The following SHANK2 variants were observed in gnomAD, a reference collection of about 807,000 sequenced individuals.
The protein encoded by SHANK2 is SH3 and multiple ankyrin repeat domains 2, also known as SH3 and multiple ankyrin repeat domains protein 2.
In SHANK2, 43 loss-of-function variants were observed where a neutral mutation model predicts 133.7. The ratio of observed to expected loss-of-function variants is 0.32; its 90% CI spans 0.25 to 0.41. SHANK2 has a LOEUF of 0.41. Among genes scored for constraint, SHANK2 ranks in the 10% least tolerant of loss-of-function variants. The pLI, the probability that SHANK2 is intolerant of heterozygous loss-of-function variation, is 1.00. For synonymous variants in SHANK2, 1,017 were observed against 952.8 expected (o/e 1.07, Z -1.24); for missense variants, 1,994 against 2,235.8 (o/e 0.89, Z 2.18).
Position 71,166,750 on chromosome 11 carries a change from T to C in SHANK2, c.-12-19412A>G, listed in dbSNP as rs1193286783. On this transcript the variant is annotated intron_variant, in intron 2 of 25. Transcript: ENST00000601538. Reference sequence around the variant, plus strand: ...TGCCCTCCTCAGCCTCCCAAAGTGCTGGGATTACAGGCGTGAGCCACCACA... The same window carrying C: ...TGCCCTCCTCAGCCTCCCAAAGTGCCGGGATTACAGGCGTGAGCCACCACA... Among the ~76,000 whole-genome samples the C allele has an allele frequency of 2.0e-5, 3 of 152,034 alleles. No homozygotes were observed. In the South Asian group the frequency reaches 6.2e-4, roughly 32 times the overall value.
At chr11:71,066,381 T>C (rs1488358329) in intron 9 of SHANK2, among the ~76,000 whole-genome samples, 3 of 151,038 alleles carry the variant, frequency 2.0e-5, no homozygotes, top group Non-Finnish European at 3.0e-5. Context: ...CCCAGGGAGA[T>C]GAGCAGTGAG....
At chr11:70,599,905 G>GAAAGAAAGAAAAAGAAAGAAAGAGAA (rs1466206835) in intron 17 of SHANK2, among the ~76,000 whole-genome samples, 12 of 73,770 alleles carry the variant, frequency 1.6e-4, no homozygotes, top group South Asian at 1.0e-3. Context: ...AAGAAAGAAA[G>GAAAGAAAGAAAAAGAAAGAAAGAGAA]AGAAAGAAAG....
intron 17 of SHANK2, among the ~76,000 whole-genome samples, chr11:70,654,742 T>C (rs948010896): frequency 6.6e-6 from 1 of 151,200 alleles, no homozygotes; most frequent in Non-Finnish European, 1.5e-5. Context: ...CACACTGTAA[T>C]TGCTACCTGG....
rs188131268 is a variant in SHANK2 at position 70,910,879 on chromosome 11, T to C, written c.1108-14312A>G. Reference sequence around the variant, plus strand: ...CTGCCAAACTGGATAACACAATTGTTTACATGTTGCTTGGTGGTGCGTGTG... The same window carrying C: ...CTGCCAAACTGGATAACACAATTGTCTACATGTTGCTTGGTGGTGCGTGTG... On this transcript the variant is annotated intron_variant, in intron 10 of 25. Transcript: ENST00000601538. 743 of 430,630 alleles carry C rather than the reference T, an allele frequency of 1.7e-3. 2 individuals carry two copies. The highest frequency in any genetic ancestry group is 0.014 in the African/African-American group (689 of 49,542). 26.7% of individuals were successfully genotyped at this position (430,630 alleles called of 1,614,324 possible). A position where few individuals can be genotyped will look rare whatever the true frequency, so the allele number is the denominator to read the frequency against.
chr11:70,597,628 T>A (rs1554989866), intron 17 of SHANK2, among the ~76,000 whole-genome samples: 1 of 152,078 alleles, frequency 6.6e-6, no homozygotes, highest in Non-Finnish European at 1.5e-5. Context: ...ATCCCAGCAC[T>A]TTGGGAGGCC....
At chr11:70,769,614 T>C (rs1348921092) in intron 14 of SHANK2, among the ~76,000 whole-genome samples, 2 of 152,196 alleles carry the variant, frequency 1.3e-5, no homozygotes, top group East Asian at 3.9e-4. Flanking sequence ...GGCATGTGCG[T>C]GCATGCACAT....
intron 17 of SHANK2, among the ~76,000 whole-genome samples, chr11:70,626,009 G>A (rs1554999830): frequency 1.3e-5 from 2 of 151,958 alleles, no homozygotes; most frequent in African/African-American, 4.8e-5. Context: ...GGCCTCTGGG[G>A]CCTCCCCGCC....
intron 17 of SHANK2, among the ~76,000 whole-genome samples, chr11:70,605,500 C>T (rs1413548159): frequency 1.3e-5 from 2 of 152,244 alleles, no homozygotes; most frequent in African/African-American, 4.8e-5. Flanking sequence ...CAGCGATTAG[C>T]ACGCTGGGAC....
In SHANK2 at chr11:71,188,596, C is replaced by T. The variant is rs1317261758; in HGVS notation, c.-13+36101G>A. Among the ~76,000 whole-genome samples the T allele has an allele frequency of 1.3e-5, 2 of 152,174 alleles. No individual in the cohort carries two copies. Among genetic ancestry groups the T allele is most frequent in the African/African-American group, 2.4e-5 (1 of 41,444 alleles). On this transcript the variant is annotated intron_variant, in intron 2 of 25. Coordinates refer to ENST00000601538, the MANE Select transcript of SHANK2 (RefSeq NM_012309.5). The surrounding 1 kb of genome is among the most constrained non-coding windows in gnomAD (Gnocchi z 4.6). The stretch of plus-strand genomic sequence containing the variant: ...AATTACCCTGGCAACCAGGTACAGC[C>T]GTGAAGACAATGAAATTCACTGTGC...
intron 14 of SHANK2, among the ~76,000 whole-genome samples, chr11:70,740,565 G>A (rs1265505063): frequency 6.6e-6 from 1 of 152,116 alleles, no homozygotes; most frequent in African/African-American, 2.4e-5. Context: ...CAGAGGAACT[G>A]GGACTGAAGT....
chr11:71,187,228 C>T (rs1233222298), intron 2 of SHANK2, among the ~76,000 whole-genome samples: 1 of 152,206 alleles, frequency 6.6e-6, no homozygotes, highest in Non-Finnish European at 1.5e-5. Context: ...GAATGGCACA[C>T]TCAGGAAAAT....
Position 70,487,572 on chromosome 11 carries a change from G to C in SHANK2, c.2721C>G (p.Asn907Lys). 6.2e-7 allele frequency: 1 copy of C among 1,613,480 alleles called. No individual in the cohort carries two copies. Among genetic ancestry groups the C allele is most frequent in the Non-Finnish European group, 8.5e-7 (1 of 1,179,816 alleles). The change falls in exon 25 of 26, where the codon AAC becomes AAG. Residue 907 changes from asparagine to lysine, a missense_variant. By Grantham distance (94) the Asn-to-Lys change is moderately conservative (BLOSUM62 0). Coordinates refer to ENST00000601538, the MANE Select transcript of SHANK2 (RefSeq NM_012309.5). This position sits in a 1 kb window ranked among gnomAD's most constrained non-coding sequence, Gnocchi z 5.8. ...SPPPPSPTTY[N>K]CPKSPTPRVY... ...CTCTTGGAGTTGGGGACTTGGGGCA[G>C]TTGTAAGTGGTTGGGGAAGGTGGTG...
At chr11:71,246,973 A>AT (rs1288001371) in intron 1 of SHANK2, among the ~76,000 whole-genome samples, 3 of 152,170 alleles carry the variant, frequency 2.0e-5, no homozygotes, top group Non-Finnish European at 4.4e-5. Flanking sequence ...TTCAGAAGTA[A>AT]TTTTTTTAAA....
chr11:70,939,453 G>A (rs1310035165), intron 10 of SHANK2, among the ~76,000 whole-genome samples: 4 of 152,098 alleles, frequency 2.6e-5, no homozygotes, highest in African/African-American at 4.8e-5. Flanking sequence ...ACTCCAGCCT[G>A]GGCAACAGAG....
Position 70,486,157 on chromosome 11 carries a change from C to G in SHANK2, c.4136G>C (p.Gly1379Ala). ...CAAAATCACCGCCTCTTCCATGGAG[C>G]CCACCGCGACGATGGTTCTGCCGGG... ...TVPGRTIVAV[G>A]SMEEAVILPF... Residue 1379 changes from glycine (G) to alanine (A), a missense_variant, in exon 25 of 26, where the codon GGC becomes GCC. Gly to Ala is a moderately conservative substitution (Grantham distance 60). Around this residue, in one of 5 missense-constraint regions of SHANK2, gnomAD observed 797 missense variants for 907.4 expected, o/e 0.88. Transcript: ENST00000601538. This position sits in a 1 kb window ranked among gnomAD's most constrained non-coding sequence, Gnocchi z 8.0. 6.2e-7 allele frequency: 1 copy of G among 1,613,816 alleles called. No individual in the cohort carries two copies. Among genetic ancestry groups the G allele is most frequent in the Non-Finnish European group, 8.5e-7 (1 of 1,179,878 alleles).
At chr11:71,198,035 ACT>A (rs1402949914) in intron 2 of SHANK2, among the ~76,000 whole-genome samples, 2 of 152,012 alleles carry the variant, frequency 1.3e-5, no homozygotes, top group Non-Finnish European at 2.9e-5. Flanking sequence ...CCGAAGCTTC[ACT>A]CTGTGTGCCG....
At chr11:70,782,191 A>T (rs572619306) in intron 14 of SHANK2, among the ~76,000 whole-genome samples, 1 of 152,232 alleles carries the variant, frequency 6.6e-6, no homozygotes, top group African/African-American at 2.4e-5. Flanking sequence ...CAGCCTCCTG[A>T]GTAGCTGGGA....
chr11:70,501,047 C>G (rs1447807737), intron 20 of SHANK2, among the ~76,000 whole-genome samples: 1 of 146,126 alleles, frequency 6.8e-6, no homozygotes, highest in Non-Finnish European at 1.5e-5. Flanking sequence ...AGGCTTGTCC[C>G]TCTGGGGAGC....
At chr11:71,057,847 C>G (rs1347029689) in intron 9 of SHANK2, among the ~76,000 whole-genome samples, 4 of 151,110 alleles carry the variant, frequency 2.6e-5, no homozygotes, top group African/African-American at 9.8e-5. Context: ...CCATGCCTGA[C>G]CAGAGATTCT....
Sources: gnomAD v4.1 joint callset for allele counts (sites outside exome capture counted in the v4.1 genomes callset) on GRCh38, gnomAD v4.1.1 for gene constraint, gnomAD v4.1.1 regional missense constraint, Gnocchi (gnomAD v3.1) non-coding constraint, MANE v1.5 for transcripts, NCBI Gene and HGNC (gene_info 2026-07-23, HGNC 2026-07-21) for gene names.